The following TBC1D5 variants were observed in gnomAD, a reference collection of about 807,000 sequenced individuals.
TBC1D5 encodes the protein TBC1 domain family member 5, also known as TBC1 domain family, member 5.
Under a neutral mutation model 100.3 loss-of-function variants are expected in TBC1D5, and 75 were observed. The observed-to-expected ratio is 0.75, with a 90% CI of 0.62 to 0.91. The LOEUF (loss-of-function observed/expected upper bound fraction) is 0.91, where lower values mean the gene tolerates loss of function less well. TBC1D5 is among the 40% of genes least tolerant of loss of function. The probability of loss-of-function intolerance (pLI) is 0.00; values close to 1 mark genes in which losing one functional copy is unlikely to be tolerated. For missense variants in TBC1D5, 910 were observed against 942.4 expected (o/e 0.97, Z 0.45); for synonymous variants, 323 against 325.6 (o/e 0.99, Z 0.09).
chr3:17,434,751 A>C (rs542022193), intron 3 of TBC1D5, among the ~76,000 whole-genome samples: 1 of 152,254 alleles, frequency 6.6e-6, no homozygotes, highest in East Asian at 1.9e-4. Context: ...TGTCTTGGTA[A>C]TTAACATTCC....
chr3:17,254,797 T>G (rs2077496460), intron 16 of TBC1D5, among the ~76,000 whole-genome samples: 2 of 145,028 alleles, frequency 1.4e-5, no homozygotes, highest in African/African-American at 5.2e-5. Flanking sequence ...ACCAATTAGG[T>G]TTGATGATAT....
intron 1 of TBC1D5, among the ~76,000 whole-genome samples, chr3:17,690,366 G>A (rs1275793828): frequency 1.2e-5 from 1 of 84,048 alleles, no homozygotes; most frequent in African/African-American, 4.0e-5. Context: ...ACAGGCGCCC[G>A]CCACTACGCC....
exon 17 of TBC1D5, chr3:17,238,236 G>T (rs954757712): frequency 1.9e-6 from 3 of 1,613,992 alleles, no homozygotes; most frequent in Non-Finnish European, 2.5e-6. Context: ...GCAAGTGATG[G>T]CTTGGGGCCT....
At chr3:17,578,147 T>G (rs986973497) in intron 2 of TBC1D5, among the ~76,000 whole-genome samples, 1 of 152,042 alleles carries the variant, frequency 6.6e-6, no homozygotes, top group Admixed American at 6.6e-5. Flanking sequence ...TGAAATAAAT[T>G]GTGTGTTTTA....
rs566547115 is a variant in TBC1D5 at position 17,549,493 on chromosome 3, T to C, written c.-35-40888A>G. 2.3e-4 allele frequency among the ~76,000 whole-genome samples: 35 copies of C among 152,232 alleles called. 1 individual carries two copies. In the South Asian group the frequency reaches 6.6e-3, roughly 29 times the overall value. On this transcript the variant is annotated intron_variant, in intron 2 of 21. Coordinates refer to ENST00000253692, the Ensembl canonical transcript of TBC1D5. ...TTTAATGAGTTTTCTCTATAATAAA[T>C]ATATGAATAAAAATGGAGACATTAA... is the stretch of plus-strand genomic sequence containing the variant.
chr3:17,485,466 T>C (rs991896598), intron 3 of TBC1D5, among the ~76,000 whole-genome samples: 24 of 150,642 alleles, frequency 1.6e-4, no homozygotes, highest in African/African-American at 4.9e-4. Flanking sequence ...GTGTATCTCC[T>C]AATGCTATCC....
At chr3:17,457,798 T>G (rs1473601341) in intron 3 of TBC1D5, among the ~76,000 whole-genome samples, 1 of 152,194 alleles carries the variant, frequency 6.6e-6, no homozygotes, top group Non-Finnish European at 1.5e-5. Context: ...AAAACAGTTT[T>G]CATTGCTTGG....
intron 14 of TBC1D5, among the ~76,000 whole-genome samples, chr3:17,297,791 C>T (rs932395781): frequency 6.6e-6 from 1 of 150,476 alleles, no homozygotes; most frequent in Non-Finnish European, 1.5e-5. Context: ...GGTCCCACTA[C>T]GTTGCCCAGG....
Position 17,376,517 on chromosome 3 carries a change from A to C in TBC1D5, c.701+8T>G. On this transcript the variant is annotated splice_region_variant and intron_variant, in intron 10 of 21. Coordinates refer to ENST00000253692, the Ensembl canonical transcript of TBC1D5. ...ACAAATGGAGCTCATATTAAAAAAAAAACTTGCCTGGGCTGTGCAGACTCA... is the reference window on the plus strand; with the variant it reads ...ACAAATGGAGCTCATATTAAAAAAACAACTTGCCTGGGCTGTGCAGACTCA... The C allele has an allele frequency of 6.3e-7, 1 of 1,587,318 alleles. No individual in the cohort carries two copies. The highest frequency in any genetic ancestry group is 8.5e-7 in the Non-Finnish European group (1 of 1,172,650).
intron 3 of TBC1D5, among the ~76,000 whole-genome samples, chr3:17,495,122 G>A (rs1255922022): frequency 1.3e-5 from 2 of 152,136 alleles, no homozygotes; most frequent in Non-Finnish European, 1.5e-5. Context: ...GAGAGAACCT[G>A]GATACCTCTG....
At chr3:17,678,679 A>G (rs1318871710) in intron 1 of TBC1D5, among the ~76,000 whole-genome samples, 1 of 147,810 alleles carries the variant, frequency 6.8e-6, no homozygotes, top group East Asian at 1.9e-4. Flanking sequence ...AAAAAAAAAA[A>G]AAAAAAAACA....
At chr3:17,374,650 T>C (rs1470618733) in exon 11 of TBC1D5, 3 of 1,611,186 alleles carry the variant, frequency 1.9e-6, no homozygotes, top group Non-Finnish European at 1.7e-6. Context: ...TTCCAGATAC[T>C]CAGGGTTCAA....
chr3:17,629,148 CT>C (rs1380247548), intron 1 of TBC1D5, among the ~76,000 whole-genome samples: 16 of 151,904 alleles, frequency 1.1e-4, no homozygotes, highest in Non-Finnish European at 1.8e-4. Flanking sequence ...ATAAATTGGT[CT>C]TTTTTTTAGG....
At chr3:17,647,646 A>AG (rs2153709696) in intron 1 of TBC1D5, among the ~76,000 whole-genome samples, 1 of 152,274 alleles carries the variant, frequency 6.6e-6, no homozygotes, top group South Asian at 2.1e-4. Context: ...TGACTGCAGT[A>AG]GGGGGAAGGA....
chr3:17,556,579 T>C (rs2096523378), intron 2 of TBC1D5, among the ~76,000 whole-genome samples: 1 of 152,216 alleles, frequency 6.6e-6, no homozygotes, highest in Admixed American at 6.5e-5. Context: ...CATGTCTTAT[T>C]GCATACCTTT....
intron 1 of TBC1D5, among the ~76,000 whole-genome samples, chr3:17,638,544 A>G (rs1217314825): frequency 1.3e-5 from 2 of 152,128 alleles, no homozygotes; most frequent in African/African-American, 2.4e-5. Flanking sequence ...CCCTGTGACT[A>G]ATTCAGACTG....
chr3:17,721,432 G>C (rs557828716), intron 1 of TBC1D5, among the ~76,000 whole-genome samples: 2 of 150,082 alleles, frequency 1.3e-5, no homozygotes, highest in South Asian at 2.1e-4. Context: ...TCAACATCAA[G>C]AGACAGAAAA....
intron 2 of TBC1D5, among the ~76,000 whole-genome samples, chr3:17,615,253 A>G (rs2062046640): frequency 6.6e-6 from 1 of 152,188 alleles, no homozygotes; most frequent in Admixed American, 6.5e-5. Context: ...CGTGGTGGAT[A>G]AACTTTTTGA....
intron 13 of TBC1D5, among the ~76,000 whole-genome samples, chr3:17,318,881 G>A (rs1476600447): frequency 6.6e-6 from 1 of 152,052 alleles, no homozygotes; most frequent in Non-Finnish European, 1.5e-5. Context: ...TTGATGAATC[G>A]CAATCTGCTA....
Sources: gnomAD v4.1 joint callset for allele counts (sites outside exome capture counted in the v4.1 genomes callset) on GRCh38, gnomAD v4.1.1 for gene constraint, MANE v1.5 for transcripts, NCBI Gene and HGNC (gene_info 2026-07-23, HGNC 2026-07-21) for gene names.